Variants in SLC14A2 observed in about 807,000 individuals in gnomAD.
The protein encoded by SLC14A2 is urea transporter 2.
A neutral mutation model predicts 104.6 loss-of-function variants in SLC14A2; 91 were observed. The ratio of observed to expected loss-of-function variants is 0.87; its 90% CI spans 0.73 to 1.04. The LOEUF (loss-of-function observed/expected upper bound fraction) is 1.04, where lower values mean the gene tolerates loss of function less well. Ranked by LOEUF, SLC14A2 falls within the 50% of genes least tolerant of loss-of-function variation. SLC14A2 has a pLI of 0.00. For synonymous variants in SLC14A2, 476 were observed against 466.4 expected (o/e 1.02, Z -0.27); for missense variants, 1,189 against 1,156.0 (o/e 1.03, Z -0.41).
At chr18:45,576,752 G>C (rs1473702821) in intron 2 of SLC14A2, among the ~76,000 whole-genome samples, 1 of 152,162 alleles carries the variant, frequency 6.6e-6, no homozygotes, top group Non-Finnish European at 1.5e-5. Flanking sequence ...CAGATGTGGT[G>C]AGGCCAATGG....
At position 45,530,835 on chromosome 18, in the gene SLC14A2, G is replaced by A. The variant is rs551915051; in HGVS notation, c.-35+47513G>A. On this transcript the variant is annotated intron_variant, in intron 2 of 20. Transcript: ENST00000586448. Reference sequence around the variant, plus strand: ...TTTAGCATTAGGTATATCTCCTAATGCTATCCCTCCCCACTCCCCCCACCC... The same window carrying A: ...TTTAGCATTAGGTATATCTCCTAATACTATCCCTCCCCACTCCCCCCACCC... 5.2e-4 allele frequency among the ~76,000 whole-genome samples: 79 copies of A among 152,134 alleles called. 1 individual carries two copies. Among genetic ancestry groups the A allele is most frequent in the African/African-American group, 1.8e-3 (75 of 41,490 alleles).
At chr18:45,646,214 G>C (rs1001746243) in intron 10 of SLC14A2, 3 of 152,196 alleles carry the variant, frequency 2.0e-5, no homozygotes, top group Non-Finnish European at 2.9e-5. Context: ...ACCACTCTTG[G>C]ACAAAGAAAA....
intron 1 of SLC14A2, among the ~76,000 whole-genome samples, chr18:45,429,008 A>G (rs2086474836): frequency 6.6e-6 from 1 of 152,182 alleles, no homozygotes; most frequent in Non-Finnish European, 1.5e-5. Flanking sequence ...TAGATGGTTC[A>G]TTACTGAACA....
chr18:45,426,160 C>A (rs539404462), intron 1 of SLC14A2, among the ~76,000 whole-genome samples: 1 of 152,230 alleles, frequency 6.6e-6, no homozygotes, highest in East Asian at 1.9e-4. Flanking sequence ...CAGTCAAGAC[C>A]CAACTTGAGT....
intron 1 of SLC14A2, among the ~76,000 whole-genome samples, chr18:45,477,695 T>G (rs1183771187): frequency 6.6e-6 from 1 of 152,158 alleles, no homozygotes; most frequent in Non-Finnish European, 1.5e-5. Flanking sequence ...GGAGGAGGAA[T>G]TTAGAGAAGC....
chr18:45,601,699 A>T (rs1242823267), intron 2 of SLC14A2, among the ~76,000 whole-genome samples: 1 of 152,252 alleles, frequency 6.6e-6, no homozygotes, highest in East Asian at 1.9e-4. Flanking sequence ...CATTGAGGAA[A>T]ATTCTGACAA....
chr18:45,557,397 G>C lies in SLC14A2; in HGVS notation c.-34-67234G>C, dbSNP rs544524603. ...TAACATGCTCAAGCCAGGCTGCCAG[G>C]CTCCATTAATGTGTGTAAGTTGCAT... On this transcript the variant is annotated intron_variant, in intron 2 of 20. Transcript: ENST00000586448. Among the ~76,000 whole-genome samples the C allele has an allele frequency of 2.6e-5, 4 of 152,332 alleles. No homozygotes were observed. The East Asian group carries it at 5.8e-4, about 22-fold the overall frequency.
chr18:45,353,705 C>T (rs753123715), intron 1 of SLC14A2, among the ~76,000 whole-genome samples: 1 of 152,086 alleles, frequency 6.6e-6, no homozygotes. Flanking sequence ...AGGGCTGGTG[C>T]GTTTGAGAGA....
chr18:45,506,226 G>T (rs751096655), intron 2 of SLC14A2, among the ~76,000 whole-genome samples: 1 of 152,090 alleles, frequency 6.6e-6, no homozygotes, highest in Non-Finnish European at 1.5e-5. Context: ...TAGCCTTTGA[G>T]ACCTGCCCTT....
At chr18:45,526,421 C>G (rs531616649) in intron 2 of SLC14A2, among the ~76,000 whole-genome samples, 20 of 152,302 alleles carry the variant, frequency 1.3e-4, no homozygotes, top group African/African-American at 4.3e-4. Context: ...TGCTTTCAGA[C>G]ATCCTACCAA....
intron 1 of SLC14A2, among the ~76,000 whole-genome samples, chr18:45,622,352 G>T (rs1365642458): frequency 6.6e-6 from 1 of 152,178 alleles, no homozygotes; most frequent in African/African-American, 2.4e-5. Flanking sequence ...GGCTTGGAAG[G>T]GGAAGATGAC....
intron 1 of SLC14A2, among the ~76,000 whole-genome samples, chr18:45,325,358 G>A (rs2085224567): frequency 6.6e-6 from 1 of 152,156 alleles, no homozygotes; most frequent in Non-Finnish European, 1.5e-5. Context: ...CCCCTTTGCT[G>A]GGAAATGGAT....
chr18:45,176,610 A>T, the SLC14A2 span, among the ~76,000 whole-genome samples: 1 of 152,314 alleles, frequency 6.6e-6, no homozygotes, highest in East Asian at 1.9e-4. Context: ...GGCTAAAGCT[A>T]ACAAAATGTC....
chr18:45,338,699 A>AAAAAC (rs1414794284), intron 1 of SLC14A2, among the ~76,000 whole-genome samples: 2 of 149,572 alleles, frequency 1.3e-5, no homozygotes, highest in African/African-American at 2.5e-5. Flanking sequence ...AAAAAAAAAA[A>AAAAAC]AAAAAAAAAA....
intron 1 of SLC14A2, among the ~76,000 whole-genome samples, chr18:45,270,578 C>T (rs2144118956): frequency 6.6e-6 from 1 of 152,204 alleles, no homozygotes; most frequent in African/African-American, 2.4e-5. Context: ...AAACTGGGAC[C>T]AGAACCCAGT....
At chr18:45,379,042 A>G (rs7241614) in intron 1 of SLC14A2, among the ~76,000 whole-genome samples, 62,515 of 152,098 alleles carry the variant, frequency 0.41, 13,773 homozygotes, top group African/African-American at 0.57. Flanking sequence ...AATCTTGTTA[A>G]TCCTCGAATT....
At chr18:45,223,704 A>G (rs1449270136) in intron 1 of SLC14A2, among the ~76,000 whole-genome samples, 1 of 152,132 alleles carries the variant, frequency 6.6e-6, no homozygotes, top group Non-Finnish European at 1.5e-5. Context: ...GCCCTCTCCT[A>G]GCTCCCTTAA....
At chr18:45,513,678 C>T (rs1436155777) in intron 2 of SLC14A2, among the ~76,000 whole-genome samples, 1 of 152,274 alleles carries the variant, frequency 6.6e-6, no homozygotes, top group East Asian at 1.9e-4. Flanking sequence ...CCTCTATTGC[C>T]TGGCTCCAGA....
chr18:45,438,609 C>T (rs2086634253), intron 1 of SLC14A2, among the ~76,000 whole-genome samples: 1 of 152,178 alleles, frequency 6.6e-6, no homozygotes, highest in South Asian at 2.1e-4. Flanking sequence ...TAAAACAAAC[C>T]TATCCCGCTA....
Sources: gnomAD v4.1 joint callset for allele counts (sites outside exome capture counted in the v4.1 genomes callset) on GRCh38, gnomAD v4.1.1 for gene constraint, MANE v1.5 for transcripts, NCBI Gene and HGNC (gene_info 2026-07-23, HGNC 2026-07-21) for gene names.